Variants in MPPE1 observed in about 807,000 individuals in gnomAD.
MPPE1 encodes the protein metallophosphoesterase 1, also known as metallo phosphoesterase.
In MPPE1, 28 loss-of-function variants were observed where a neutral mutation model predicts 43.8. The observed-to-expected ratio is 0.64, with a 90% CI of 0.47 to 0.88. The LOEUF is 0.88. MPPE1 is among the 40% of genes least tolerant of loss of function. The pLI is 0.00. For missense variants in MPPE1, 428 were observed against 492.2 expected (o/e 0.87, Z 1.23); for synonymous variants, 159 against 188.5 (o/e 0.84, Z 1.28).
chr18:11,884,200 T>G lies in MPPE1; in HGVS notation c.*245A>C. 1 of 478,596 alleles carries G rather than the reference T, an allele frequency of 2.1e-6. No individual in the cohort carries two copies. The highest frequency in any genetic ancestry group is 2.5e-5 in the South Asian group (1 of 39,776). 29.6% of individuals were successfully genotyped at this position (478,596 alleles called of 1,614,324 possible). On this transcript the variant is annotated 3_prime_UTR_variant, in exon 11 of 11. Coordinates refer to ENST00000588072, the MANE Select transcript of MPPE1 (RefSeq NM_023075.6). The stretch of plus-strand genomic sequence containing the variant: ...TTTACATACTGTACAGATGCAACCT[T>G]TGATGATACATATATTTGATAAAAA...
Position 11,897,097 on chromosome 18 carries a change from G to A in MPPE1, c.168C>T (p.Thr56=), listed in dbSNP as rs753221803. ...IFQCNWPEVK[T]TASDGEQTTR... The stretch of plus-strand genomic sequence containing the variant: ...TGGTCTGTTCACCATCAGAGGCTGT[G>A]GTTTTCACTTCAGGCCAATTACACT... Residue 56 remains threonine, a synonymous_variant, in exon 3 of 11, where the codon ACC becomes ACT. Transcript: ENST00000588072. The A allele has an allele frequency of 2.1e-5, 31 of 1,511,492 alleles. No homozygotes were observed. In the Admixed American group the frequency reaches 5.6e-4, roughly 27 times the overall value. The allele number at this position is 1,511,492 out of a possible 1,614,324, so 93.6% of individuals were successfully genotyped here. A position where few individuals can be genotyped will look rare whatever the true frequency, so the allele number is the denominator to read the frequency against.
At chr18:11,892,452 C>T (rs2038108289) in intron 4 of MPPE1, among the ~76,000 whole-genome samples, 1 of 151,958 alleles carries the variant, frequency 6.6e-6, no homozygotes. Context: ...GGCAGATCAC[C>T]TGAGGTCAGG....
intron 3 of MPPE1, among the ~76,000 whole-genome samples, chr18:11,894,454 A>C (rs868341934): frequency 7.5e-4 from 112 of 149,372 alleles, no homozygotes; most frequent in African/African-American, 2.7e-3. Flanking sequence ...AAAAAAAAAA[A>C]ACAGCCTGGG....
rs2037714128 is a variant in MPPE1 at position 11,889,446 on chromosome 18, G to T, written c.435C>A (p.His145Gln). Reference protein sequence around the residue: ...DVERFQKMFRHPSHVQLKVVA... With the variant: ...DVERFQKMFRQPSHVQLKVVA... ...CTACCTTCAGCTGTACATGACTTGG[G>T]TGTCTGAACATTTTCTGAAACCGCT... Residue 145 changes from histidine to glutamine, a missense_variant, in exon 5 of 11, where the codon CAC becomes CAA. This residue lies in a region of MPPE1 where 379 missense variants were observed against 402.5 expected (regional missense o/e 0.94). Coordinates refer to ENST00000588072, the MANE Select transcript of MPPE1 (RefSeq NM_023075.6). 5 of 1,613,236 alleles carry T rather than the reference G, an allele frequency of 3.1e-6. No homozygotes were observed. In the Admixed American group the frequency reaches 8.3e-5, roughly 27 times the overall value.
At position 11,884,386 on chromosome 18, in the gene MPPE1, A is replaced by G; in HGVS notation, c.*59T>C. ...GTCTCATCATCCACTTGATTCTAAC[A>G]TGATCTCTGCCCAAAGTTCCATTTC... On this transcript the variant is annotated 3_prime_UTR_variant, in exon 11 of 11. Transcript: ENST00000588072. The G allele has an allele frequency of 1.3e-6, 2 of 1,550,972 alleles. No homozygotes were observed. Among genetic ancestry groups the G allele is most frequent in the Non-Finnish European group, 1.8e-6 (2 of 1,130,182 alleles).
intron 4 of MPPE1, among the ~76,000 whole-genome samples, chr18:11,890,103 C>T (rs1015963521): frequency 2.3e-4 from 35 of 150,068 alleles, no homozygotes; most frequent in Non-Finnish European, 1.2e-4. Flanking sequence ...CCACCACGCC[C>T]GACTAATTTT....
At chr18:11,902,844 T>A (rs671612) in intron 2 of MPPE1, 1 of 152,010 alleles carries the variant, frequency 6.6e-6, no homozygotes, top group African/African-American at 2.4e-5. Context: ...AAAACTGCAG[T>A]CCTCCAGCTT....
intron 5 of MPPE1, 43 bp from the exon 6 acceptor site, chr18:11,888,786 T>C (rs762924145): frequency 1.7e-5 from 20 of 1,168,640 alleles, no homozygotes; most frequent in Non-Finnish European, 2.5e-5. Flanking sequence ...GGACAAGCCA[T>C]TTTAGAAACT....
rs2037265254 is a variant in MPPE1, at chr18:11,886,459, A to C, written c.867+40T>G. The C allele has an allele frequency of 6.2e-7, 1 of 1,613,836 alleles. No individual in the cohort carries two copies. Among genetic ancestry groups the C allele is most frequent in the Non-Finnish European group, 8.5e-7 (1 of 1,179,966 alleles). On this transcript the variant is annotated intron_variant, in intron 9 of 10. Transcript: ENST00000588072. The surrounding 1 kb of genome is among the most constrained non-coding windows in gnomAD (Gnocchi z 4.1). The stretch of plus-strand genomic sequence containing the variant: ...GTTGACATGCAAGGTGATGAGAGTC[A>C]CACTGTGACATGAATTAGCATCACG...
intron 10 of MPPE1, chr18:11,885,150 T>G (rs2036997864): frequency 1.1e-6 from 1 of 875,378 alleles, no homozygotes; most frequent in Non-Finnish European, 1.5e-6. Context: ...TTGAAAATGT[T>G]AGGGTTTCCT....
intron 2 of MPPE1, among the ~76,000 whole-genome samples, chr18:11,903,913 C>T (rs1238831185): frequency 6.6e-6 from 1 of 151,784 alleles, no homozygotes; most frequent in Non-Finnish European, 1.5e-5. Flanking sequence ...TGCTCTAAAG[C>T]TTTTTAATAA....
Position 11,887,010 on chromosome 18 carries a change from G to A in MPPE1, c.585C>T (p.Asn195=). The part of the protein sequence containing the change: ...SWKGINFVMV[N]SVALNGDGCG... ...AGCCATCCCCGTTCAGCGCCACGCT[G>A]TTGACCATCACAAAGCTGAAGCGGA... Residue 195 remains asparagine (N), a synonymous_variant, in exon 7 of 11, where the codon AAC becomes AAT. Coordinates refer to ENST00000588072, the MANE Select transcript of MPPE1 (RefSeq NM_023075.6). 1 of 1,612,630 alleles carries A rather than the reference G, an allele frequency of 6.2e-7. No individual in the cohort carries two copies. The highest frequency in any genetic ancestry group is 8.5e-7 in the Non-Finnish European group (1 of 1,178,876).
intron 10 of MPPE1, chr18:11,885,453 T>C (rs2037062556): frequency 7.1e-6 from 4 of 562,330 alleles, no homozygotes; most frequent in African/African-American, 1.9e-5. Context: ...ACCTGGACGG[T>C]GCCCTGCCCT....
chr18:11,906,747 G>A (rs958441880), intron 1 of MPPE1, among the ~76,000 whole-genome samples: 7 of 151,868 alleles, frequency 4.6e-5, no homozygotes, highest in African/African-American at 9.7e-5. Context: ...CCAGCTACTC[G>A]GGAGGCTGAG....
At chr18:11,905,023 C>T (rs1410873992) in intron 2 of MPPE1, among the ~76,000 whole-genome samples, 1 of 151,036 alleles carries the variant, frequency 6.6e-6, no homozygotes, top group South Asian at 2.1e-4. Flanking sequence ...AAACAGAACA[C>T]CTTCTGGGCA....
chr18:11,882,803 ATAAAG>A lies in MPPE1; in HGVS notation c.*1637_*1641del, dbSNP rs2036737187. On this transcript the variant is annotated 3_prime_UTR_variant, in exon 11 of 11. Transcript: ENST00000588072. ...ACATTACAAAACCTTAATCTGAAGT[ATAAAG>A]TCAAAAGATACGGCTCTTTCTCACA... 1 of 152,146 alleles carries A rather than the reference ATAAAG, an allele frequency of 6.6e-6. No individual in the cohort carries two copies. 9.4% of individuals were successfully genotyped at this position (152,146 alleles called of 1,614,324 possible). A position where few individuals can be genotyped will look rare whatever the true frequency, so the allele number is the denominator to read the frequency against.
intron 3 of MPPE1, among the ~76,000 whole-genome samples, chr18:11,894,577 G>A (rs890664656): frequency 2.0e-5 from 3 of 151,920 alleles, no homozygotes; most frequent in Admixed American, 6.6e-5. Context: ...GGTAAATGGC[G>A]ATTTTATTTT....
chr18:11,901,458 T>G (rs774477347), intron 2 of MPPE1, among the ~76,000 whole-genome samples: 2 of 151,748 alleles, frequency 1.3e-5, no homozygotes, highest in Admixed American at 1.3e-4. Flanking sequence ...ATCGAACTCC[T>G]GGCCTCAGGT....
intron 4 of MPPE1, among the ~76,000 whole-genome samples, chr18:11,892,077 C>T (rs1011946343): frequency 1.3e-5 from 2 of 152,122 alleles, no homozygotes; most frequent in South Asian, 2.1e-4. Flanking sequence ...CAGCGGCTCA[C>T]GCCTATAATC....
Sources: allele counts gnomAD v4.1 joint callset (sites outside exome capture counted in the v4.1 genomes callset), GRCh38; gene constraint gnomAD v4.1.1; regional missense constraint gnomAD v4.1.1; non-coding constraint Gnocchi (gnomAD v3.1); transcripts MANE v1.5; gene names NCBI Gene and HGNC (gene_info 2026-07-23, HGNC 2026-07-21).